DCC: variants seen among roughly 807,000 people sequenced by gnomAD.
The protein encoded by DCC is DCC netrin 1 receptor, also known as netrin receptor DCC.
Under a neutral mutation model 172.5 loss-of-function variants are expected in DCC, and 58 were observed. The observed-to-expected ratio is 0.34, with a 90% CI of 0.27 to 0.42. DCC has a LOEUF of 0.42. Ranked by LOEUF, DCC falls within the 10% of genes least tolerant of loss-of-function variation. DCC has a pLI of 1.00. For synonymous variants in DCC, 709 were observed against 644.5 expected (o/e 1.10, Z -1.52); for missense variants, 1,740 against 1,791.0 (o/e 0.97, Z 0.51).
At chr18:52,368,618 G>C (rs1984981321) in intron 1 of DCC, among the ~76,000 whole-genome samples, 1 of 152,074 alleles carries the variant, frequency 6.6e-6, no homozygotes. Flanking sequence ...AGTGCTGATG[G>C]GTGACTTTTT....
intron 1 of DCC, among the ~76,000 whole-genome samples, chr18:52,494,515 A>G (rs1216567703): frequency 6.6e-6 from 1 of 151,618 alleles, no homozygotes. Context: ...ACTTTCCGAT[A>G]TTTTTCATTT....
intron 21 of DCC, among the ~76,000 whole-genome samples, chr18:53,423,902 A>G (rs1276227962): frequency 6.6e-6 from 1 of 152,202 alleles, no homozygotes; most frequent in Non-Finnish European, 1.5e-5. Flanking sequence ...AGTAATCTGG[A>G]AAGATAAGTT....
chr18:52,423,240 G>A (rs1289386059), intron 1 of DCC, among the ~76,000 whole-genome samples: 1 of 152,048 alleles, frequency 6.6e-6, no homozygotes, highest in Non-Finnish European at 1.5e-5. Context: ...ACCTATGCAG[G>A]GCACTATCGG....
At chr18:53,028,626 C>A (rs940542957) in intron 5 of DCC, among the ~76,000 whole-genome samples, 1 of 151,964 alleles carries the variant, frequency 6.6e-6, no homozygotes, top group Non-Finnish European at 1.5e-5. Context: ...TAATTATTTG[C>A]AAAATTGACT....
intron 8 of DCC, among the ~76,000 whole-genome samples, chr18:53,174,366 C>T (rs2055057958): frequency 6.6e-6 from 1 of 151,416 alleles, no homozygotes. Context: ...ACAAAAAACC[C>T]TTCAAAAAAT....
At chr18:53,506,044 A>ATATC (rs777977344) in intron 27 of DCC, among the ~76,000 whole-genome samples, 8 of 152,354 alleles carry the variant, frequency 5.3e-5, no homozygotes, top group Non-Finnish European at 7.3e-5. Flanking sequence ...AAATAAATGT[A>ATATC]TATCTACCTG....
At chr18:52,766,894 C>G (rs1327226178) in intron 2 of DCC, among the ~76,000 whole-genome samples, 1 of 151,818 alleles carries the variant, frequency 6.6e-6, no homozygotes, top group African/African-American at 2.4e-5. Context: ...TTCCCTGTCC[C>G]CATCAATGGT....
At chr18:52,840,577 C>T (rs886536663) in intron 2 of DCC, among the ~76,000 whole-genome samples, 2 of 152,090 alleles carry the variant, frequency 1.3e-5, no homozygotes, top group African/African-American at 2.4e-5. Context: ...CCTAACGAAA[C>T]TGTCCCAGTA....
chr18:52,761,044 A>C (rs1438573447), intron 2 of DCC, among the ~76,000 whole-genome samples: 1 of 152,214 alleles, frequency 6.6e-6, no homozygotes, highest in African/African-American at 2.4e-5. Context: ...TCATTGTATT[A>C]GTCCATTTTC....
chr18:53,500,655 C>G (rs1020616474), intron 27 of DCC, among the ~76,000 whole-genome samples: 2 of 151,688 alleles, frequency 1.3e-5, no homozygotes, highest in African/African-American at 4.8e-5. Flanking sequence ...TCTCAACATT[C>G]ACATGATGTG....
At chr18:52,826,913 C>A (rs980088960) in intron 2 of DCC, among the ~76,000 whole-genome samples, 1 of 152,072 alleles carries the variant, frequency 6.6e-6, no homozygotes, top group Admixed American at 6.5e-5. Context: ...TTTTTTCTTG[C>A]CAAGATTACC....
chr18:52,894,341 T>C (rs112365055), intron 2 of DCC, among the ~76,000 whole-genome samples: 2,474 of 151,984 alleles, frequency 0.016, 60 homozygotes, highest in African/African-American at 0.054. Flanking sequence ...CCCTGGCACA[T>C]ATTAGATGTC....
intron 28 of DCC, 102 bp downstream of exon 28, chr18:53,526,861 C>CCCCAGGCCAA: frequency 9.3e-7 from 1 of 1,069,600 alleles, no homozygotes; most frequent in East Asian, 2.4e-5. Context: ...CCCCAGGCCA[C>CCCCAGGCCAA]CCCAGGCCAT....
At chr18:53,395,312 A>ATAGAATGCAAAGGTGTCAGTC (rs1164223468) in intron 17 of DCC, among the ~76,000 whole-genome samples, 2 of 152,204 alleles carry the variant, frequency 1.3e-5, no homozygotes, top group African/African-American at 4.8e-5. Flanking sequence ...CATGGTATTT[A>ATAGAATGCAAAGGTGTCAGTC]TAGAATGCAA....
At chr18:52,668,082 A>G (rs1240199042) in intron 1 of DCC, among the ~76,000 whole-genome samples, 1 of 152,050 alleles carries the variant, frequency 6.6e-6, no homozygotes, top group East Asian at 1.9e-4. Flanking sequence ...GAGTCTGTCA[A>G]AGCAGGAGGG....
At chr18:53,450,688 G>A (rs1171523292) in intron 23 of DCC, 26 bp downstream of exon 23, 2 of 1,586,932 alleles carry the variant, frequency 1.3e-6, no homozygotes, top group Non-Finnish European at 8.7e-7. Flanking sequence ...TTCCCAAGAG[G>A]AAAGAAGTCA....
intron 15 of DCC, among the ~76,000 whole-genome samples, chr18:53,385,319 T>C (rs551329360): frequency 2.6e-5 from 4 of 152,262 alleles, no homozygotes; most frequent in South Asian, 4.1e-4. Flanking sequence ...GAGATAAAAA[T>C]TGACAGAAAC....
chr18:53,466,852 T>C (rs1016352595), intron 24 of DCC, among the ~76,000 whole-genome samples: 1 of 152,216 alleles, frequency 6.6e-6, no homozygotes, highest in African/African-American at 2.4e-5. Flanking sequence ...CTGTTTTATA[T>C]GATTCTGTGT....
chr18:52,981,617 T>C (rs1191407223), intron 5 of DCC, among the ~76,000 whole-genome samples: 1 of 152,166 alleles, frequency 6.6e-6, no homozygotes, highest in African/African-American at 2.4e-5. Context: ...TATATATTTA[T>C]TGAGCATCAG....
Sources: gnomAD v4.1 joint callset for allele counts (sites outside exome capture counted in the v4.1 genomes callset) on GRCh38, gnomAD v4.1.1 for gene constraint, MANE v1.5 for transcripts, NCBI Gene and HGNC (gene_info 2026-07-23, HGNC 2026-07-21) for gene names.